PIEZO2: variants seen among roughly 807,000 people sequenced by gnomAD.
PIEZO2 encodes piezo-type mechanosensitive ion channel component 2.
In PIEZO2, 172 loss-of-function variants were observed where a neutral mutation model predicts 337.3. The ratio of observed to expected loss-of-function variants is 0.51; its 90% CI spans 0.45 to 0.58. The LOEUF is 0.58. Among genes scored for constraint, PIEZO2 ranks in the 20% least tolerant of loss-of-function variants. The pLI is 0.00. For missense variants in PIEZO2, 3,028 were observed against 3,391.3 expected (o/e 0.89, Z 2.66); for synonymous variants, 1,251 against 1,228.5 (o/e 1.02, Z -0.38).
chr18:11,061,158 A>G (rs1360001582), intron 2 of PIEZO2, among the ~76,000 whole-genome samples: 5 of 152,240 alleles, frequency 3.3e-5, no homozygotes, highest in Non-Finnish European at 5.9e-5. Flanking sequence ...CAAAAACCGT[A>G]TGATTATCTC....
intron 42 of PIEZO2, 77 bp from the exon 43 acceptor site, chr18:10,702,248 A>G (rs1299933423): frequency 1.1e-5 from 15 of 1,367,410 alleles, no homozygotes; most frequent in Non-Finnish European, 1.5e-5. Flanking sequence ...AAAGAGCAAT[A>G]TAACAATTAA....
chr18:10,811,268 C>T (rs1409786097), intron 7 of PIEZO2, among the ~76,000 whole-genome samples: 1 of 152,180 alleles, frequency 6.6e-6, no homozygotes, highest in African/African-American at 2.4e-5. Context: ...TATGCCTCCA[C>T]AACAATGATA....
chr18:11,056,929 A>G (rs16973010), intron 2 of PIEZO2, among the ~76,000 whole-genome samples: 8,175 of 152,326 alleles, frequency 0.054, 591 homozygotes, highest in African/African-American at 0.16. Flanking sequence ...TTCAGCAGGA[A>G]CAACTATCAG....
At chr18:10,881,928 GA>G (rs1449428193) in intron 4 of PIEZO2, among the ~76,000 whole-genome samples, 2 of 151,978 alleles carry the variant, frequency 1.3e-5, no homozygotes, top group African/African-American at 4.8e-5. Context: ...ATTCTAAACT[GA>G]CACTCTTTCT....
intron 3 of PIEZO2, among the ~76,000 whole-genome samples, chr18:10,949,516 G>A (rs1163657275): frequency 6.6e-6 from 1 of 152,186 alleles, no homozygotes; most frequent in Non-Finnish European, 1.5e-5. Context: ...CAAGCACAAA[G>A]TGAGGTCAGG....
chr18:11,034,799 C>A (rs564624390), intron 2 of PIEZO2, among the ~76,000 whole-genome samples: 1 of 152,040 alleles, frequency 6.6e-6, no homozygotes, highest in Admixed American at 6.6e-5. Flanking sequence ...GAGCCAAGAC[C>A]GCGCCATTGC....
intron 2 of PIEZO2, among the ~76,000 whole-genome samples, chr18:11,053,963 G>A (rs566654121): frequency 1.3e-5 from 2 of 152,320 alleles, no homozygotes; most frequent in South Asian, 4.1e-4. Context: ...GGTGGAGGCT[G>A]CAGTGAGCCG....
In PIEZO2 at chr18:10,795,279, A is replaced by G. The variant is rs11663651; in HGVS notation, c.1528-277T>C. Among the ~76,000 whole-genome samples the G allele has an allele frequency of 0.17, 25,481 of 151,596 alleles. 2,495 individuals are homozygous for G. Among genetic ancestry groups the G allele is most frequent in the East Asian group, 0.39 (2,022 of 5,142 alleles). On this transcript the variant is annotated intron_variant, in intron 12 of 55. Coordinates refer to ENST00000674853, the MANE Select transcript of PIEZO2 (RefSeq NM_001378183.1). This position sits in a 1 kb window ranked among gnomAD's most constrained non-coding sequence, Gnocchi z 4.4. ...AAGGATTGTGTTGTTTTTACAATAG[A>G]CTTTTTTCAGTTAAGTAGCAAAATG...
At chr18:11,086,587 C>T (rs2038923521) in intron 1 of PIEZO2, among the ~76,000 whole-genome samples, 1 of 151,778 alleles carries the variant, frequency 6.6e-6, no homozygotes, top group South Asian at 2.1e-4. Context: ...GCAAAGCATA[C>T]AGGAGGAAAA....
At chr18:10,966,984 T>C (rs7241324) in intron 3 of PIEZO2, among the ~76,000 whole-genome samples, 1,783 of 151,774 alleles carry the variant, frequency 0.012, 38 homozygotes, top group African/African-American at 0.04. Context: ...TATTCCATGA[T>C]ATGTGTATAT....
At chr18:10,678,879 C>T (rs1432480320) in intron 52 of PIEZO2, among the ~76,000 whole-genome samples, 1 of 152,034 alleles carries the variant, frequency 6.6e-6, no homozygotes, top group African/African-American at 2.4e-5. Flanking sequence ...GGTAGGGCTT[C>T]CCCAGTATTG....
Position 10,713,241 on chromosome 18 carries a change from A to G in PIEZO2, c.5423+1523T>C, listed in dbSNP as rs1202439560. ...CAAAGATCTTTTCATACCAATAAAT[A>G]TGGATCTGCCTCAATAATAATTATT... On this transcript the variant is annotated intron_variant, in intron 39 of 55. Coordinates refer to ENST00000674853, the MANE Select transcript of PIEZO2 (RefSeq NM_001378183.1). This position sits in a 1 kb window ranked among gnomAD's most constrained non-coding sequence, Gnocchi z 4.5. 6.6e-6 allele frequency among the ~76,000 whole-genome samples: 1 copy of G among 152,196 alleles called. No individual in the cohort carries two copies. The highest frequency in any genetic ancestry group is 1.5e-5 in the Non-Finnish European group (1 of 68,020).
At chr18:10,949,771 G>C (rs2033203421) in intron 3 of PIEZO2, among the ~76,000 whole-genome samples, 1 of 152,184 alleles carries the variant, frequency 6.6e-6, no homozygotes, top group Admixed American at 6.5e-5. Flanking sequence ...CAAAACAGGA[G>C]GGAAAATCAT....
intron 30 of PIEZO2, among the ~76,000 whole-genome samples, chr18:10,747,405 C>A (rs1474737394): frequency 6.6e-6 from 1 of 152,142 alleles, no homozygotes; most frequent in Admixed American, 6.5e-5. Flanking sequence ...TTGGGAAAGG[C>A]AAACAAGATG....
At chr18:11,034,925 A>T (rs1469774273) in intron 2 of PIEZO2, among the ~76,000 whole-genome samples, 2 of 152,196 alleles carry the variant, frequency 1.3e-5, no homozygotes, top group East Asian at 3.9e-4. Flanking sequence ...ATTGTGTATC[A>T]TGTGTTCACC....
chr18:10,696,162 T>C lies in PIEZO2; in HGVS notation c.7102A>G (p.Thr2368Ala), dbSNP rs1391873016. The stretch of plus-strand genomic sequence containing the variant: ...TGGAAGATGACCTTTCCCAGTACAG[T>C]CTTCCTGAGGTAGAGGGCTCGGTCC... ...VVDRALYLRK[T>A]VLGKVIFQVI... The change falls in exon 47 of 56, where the codon ACT becomes GCT. Residue 2368 changes from threonine (T) to alanine (A), a missense_variant. Thr to Ala is a moderately conservative substitution (Grantham distance 58). Around this residue, in one of 5 missense-constraint regions of PIEZO2, gnomAD observed 179 missense variants for 281.8 expected, o/e 0.64. Transcript: ENST00000674853. 3.1e-6 allele frequency: 5 copies of C among 1,614,038 alleles called. No homozygotes were observed. The highest frequency in any genetic ancestry group is 4.2e-6 in the Non-Finnish European group (5 of 1,179,986).
At chr18:10,909,609 T>G (rs2145061920) in intron 4 of PIEZO2, among the ~76,000 whole-genome samples, 1 of 152,340 alleles carries the variant, frequency 6.6e-6, no homozygotes, top group South Asian at 2.1e-4. Flanking sequence ...ATCTGAGAAC[T>G]TCTTTAAAAT....
chr18:11,088,185 C>T (rs1166805753), intron 1 of PIEZO2, among the ~76,000 whole-genome samples: 3 of 152,182 alleles, frequency 2.0e-5, no homozygotes, highest in Non-Finnish European at 4.4e-5. Context: ...TCTATTCATT[C>T]CTGTCTCCCC....
intron 4 of PIEZO2, among the ~76,000 whole-genome samples, chr18:10,873,735 G>T (rs1223882042): frequency 2.0e-5 from 3 of 152,000 alleles, no homozygotes; most frequent in Admixed American, 1.3e-4. Context: ...GGATCTCCTA[G>T]GAATCAATCT....
Sources: allele counts gnomAD v4.1 joint callset (sites outside exome capture counted in the v4.1 genomes callset), GRCh38; gene constraint gnomAD v4.1.1; regional missense constraint gnomAD v4.1.1; non-coding constraint Gnocchi (gnomAD v3.1); transcripts MANE v1.5; gene names NCBI Gene and HGNC (gene_info 2026-07-23, HGNC 2026-07-21).